ZFHX3: variants seen among roughly 807,000 people sequenced by gnomAD.
ZFHX3 encodes the protein zinc finger homeobox protein 3.
A neutral mutation model predicts 279.1 loss-of-function variants in ZFHX3; 42 were observed. The ratio of observed to expected loss-of-function variants is 0.15; its 90% CI spans 0.12 to 0.19. ZFHX3 has a LOEUF of 0.19. Among genes scored for constraint, ZFHX3 ranks in the 10% least tolerant of loss-of-function variants. ZFHX3 has a pLI of 1.00. For synonymous variants in ZFHX3, 2,293 were observed against 1,957.8 expected (o/e 1.17, Z -4.52); for missense variants, 4,981 against 4,754.0 (o/e 1.05, Z -1.40).
chr16:73,514,500 G>A (rs572626127), intron 2 of ZFHX3, among the ~76,000 whole-genome samples: 2 of 152,204 alleles, frequency 1.3e-5, no homozygotes, highest in Non-Finnish European at 2.9e-5. Flanking sequence ...TATATATAAG[G>A]AAGCTGAATA....
intron 3 of ZFHX3, among the ~76,000 whole-genome samples, chr16:73,425,808 G>A (rs892311958): frequency 5.9e-5 from 9 of 152,112 alleles, no homozygotes; most frequent in Non-Finnish European, 7.4e-5. Context: ...AGATCATTGC[G>A]AAAATCAGAT....
intron 2 of ZFHX3, among the ~76,000 whole-genome samples, chr16:73,479,258 C>T (rs1597351448): frequency 6.6e-6 from 1 of 152,226 alleles, no homozygotes; most frequent in African/African-American, 2.4e-5. Flanking sequence ...CATTACCAAC[C>T]TCCAGACCCA....
intron 5 of ZFHX3, among the ~76,000 whole-genome samples, chr16:72,813,566 G>C (rs1249273961): frequency 6.6e-6 from 1 of 152,128 alleles, no homozygotes; most frequent in Non-Finnish European, 1.5e-5. Context: ...TTGGTAACCT[G>C]GTCTACATAA....
chr16:73,649,753 G>A (rs1434238589), intron 2 of ZFHX3, among the ~76,000 whole-genome samples: 1 of 152,104 alleles, frequency 6.6e-6, no homozygotes, highest in Admixed American at 6.5e-5. Flanking sequence ...TGAAGTCAGA[G>A]GCAGATAGCT....
At position 73,838,537 on chromosome 16, in the gene ZFHX3, C is replaced by G. The variant is rs940164500; in HGVS notation, c.-1608+53114G>C. 5.3e-5 allele frequency among the ~76,000 whole-genome samples: 8 copies of G among 152,144 alleles called. No individual in the cohort carries two copies. In the South Asian group the frequency reaches 6.2e-4, roughly 12 times the overall value. On this transcript the variant is annotated intron_variant, in intron 1 of 17. Coordinates refer to the ZFHX3 transcript ENST00000641206. ...AATACTAATATAGCTTCCAGATAGCCAAAAAACATAAGTTTGAAAGACCTT... is the reference window on the plus strand; with the variant it reads ...AATACTAATATAGCTTCCAGATAGCGAAAAAACATAAGTTTGAAAGACCTT...
intron 2 of ZFHX3, among the ~76,000 whole-genome samples, chr16:73,663,072 T>A (rs1356807250): frequency 6.6e-6 from 1 of 151,988 alleles, no homozygotes; most frequent in African/African-American, 2.4e-5. Context: ...AAAAATAAAA[T>A]AAAATAAAAA....
intron 6 of ZFHX3, among the ~76,000 whole-genome samples, chr16:73,134,066 C>A (rs773972445): frequency 6.6e-6 from 1 of 152,002 alleles, no homozygotes; most frequent in Non-Finnish European, 1.5e-5. Context: ...TCGTTGAATC[C>A]CCCCAGTAGC....
At chr16:73,386,155 T>G (rs1369191967) in intron 3 of ZFHX3, among the ~76,000 whole-genome samples, 1 of 151,998 alleles carries the variant, frequency 6.6e-6, no homozygotes, top group African/African-American at 2.4e-5. Context: ...TAACCAATGC[T>G]CACTCTCGCT....
At chr16:73,006,895 T>C (rs1434494062) in intron 1 of ZFHX3, among the ~76,000 whole-genome samples, 1 of 152,252 alleles carries the variant, frequency 6.6e-6, no homozygotes. Flanking sequence ...AAATGCTATA[T>C]AAATATTTGT....
chr16:73,868,432 G>C (rs936014166), intron 1 of ZFHX3, among the ~76,000 whole-genome samples: 3 of 152,254 alleles, frequency 2.0e-5, no homozygotes, highest in East Asian at 3.9e-4. Context: ...GCCGAGACAG[G>C]TGAATTGCTT....
chr16:73,690,187 G>A (rs1040849847), intron 1 of ZFHX3, among the ~76,000 whole-genome samples: 3 of 152,094 alleles, frequency 2.0e-5, no homozygotes, highest in Non-Finnish European at 4.4e-5. Flanking sequence ...AAAGTGCTGG[G>A]ATTACACGTG....
intron 7 of ZFHX3, among the ~76,000 whole-genome samples, chr16:73,105,623 G>C (rs1351074981): frequency 6.6e-6 from 1 of 151,558 alleles, no homozygotes; most frequent in African/African-American, 2.4e-5. Flanking sequence ...CATGGTGGCG[G>C]GCACCTATAA....
At chr16:72,909,412 G>A (rs1268186769) in intron 3 of ZFHX3, among the ~76,000 whole-genome samples, 1 of 152,038 alleles carries the variant, frequency 6.6e-6, no homozygotes, top group Non-Finnish European at 1.5e-5. Flanking sequence ...CCCTCCTCTG[G>A]CAGTGATATG....
chr16:73,838,259 G>A (rs180936986), intron 1 of ZFHX3, among the ~76,000 whole-genome samples: 498 of 152,268 alleles, frequency 3.3e-3, no homozygotes, highest in Non-Finnish European at 5.4e-3. Flanking sequence ...CAGAGCTGTA[G>A]CCAACATATA....
intron 2 of ZFHX3, among the ~76,000 whole-genome samples, chr16:73,591,618 G>A (rs772854911): frequency 9.8e-5 from 14 of 142,812 alleles, no homozygotes; most frequent in Non-Finnish European, 1.5e-4. Flanking sequence ...GTGTGAACCC[G>A]GCAGGCAGAG....
chr16:72,971,996 C>T (rs534300198), intron 1 of ZFHX3, among the ~76,000 whole-genome samples: 1 of 150,890 alleles, frequency 6.6e-6, no homozygotes, highest in African/African-American at 2.4e-5. Flanking sequence ...AGCGATTCTC[C>T]TGCCTCAGCC....
chr16:73,684,867 A>G (rs2053063493), intron 1 of ZFHX3, among the ~76,000 whole-genome samples: 1 of 151,504 alleles, frequency 6.6e-6, no homozygotes, highest in Admixed American at 6.6e-5. Context: ...CACCTGGCTA[A>G]TTTTTGTCTT....
Position 72,958,994 on chromosome 16 carries a change from G to A in ZFHX3, c.1152C>T (p.Ala384=), listed in dbSNP as rs144650397. 1.5e-5 allele frequency: 24 copies of A among 1,607,722 alleles called. No homozygotes were observed. Among genetic ancestry groups the A allele is most frequent in the South Asian group, 7.8e-5 (7 of 90,148 alleles). The change falls in exon 2 of 10, where the codon GCC becomes GCT. Residue 384 remains alanine (A), a synonymous_variant. Transcript: ENST00000268489. ...CAGCCTGGGGCTGCTCGGGGCCAGC[G>A]GCGGAGCCCGCTGGGAGAGCTTCCT... ...EGEEALPAGS[A]AGPEQPQAGL... is the part of the protein sequence containing the mutation.
intron 1 of ZFHX3, among the ~76,000 whole-genome samples, chr16:73,693,963 G>A (rs2053172064): frequency 6.6e-6 from 1 of 151,292 alleles, no homozygotes; most frequent in Non-Finnish European, 1.5e-5. Context: ...GTCCAATTCT[G>A]GACAAAGTTG....
Sources: allele counts gnomAD v4.1 joint callset (sites outside exome capture counted in the v4.1 genomes callset), GRCh38; gene constraint gnomAD v4.1.1; transcripts MANE v1.5; gene names NCBI Gene and HGNC (gene_info 2026-07-23, HGNC 2026-07-21).